The following PTCHD4 variants were observed in gnomAD, a reference collection of about 807,000 sequenced individuals.
The protein encoded by PTCHD4 is patched domain containing 4, also known as patched domain-containing protein 4.
A neutral mutation model predicts 58.1 loss-of-function variants in PTCHD4; 33 were observed. The observed-to-expected ratio is 0.57, with a 90% CI of 0.43 to 0.76. The LOEUF is 0.76. Ranked by LOEUF, PTCHD4 falls within the 30% of genes least tolerant of loss-of-function variation. The pLI, the probability that PTCHD4 is intolerant of heterozygous loss-of-function variation, is 0.00. For missense variants in PTCHD4, 1,058 were observed against 1,027.1 expected (o/e 1.03, Z -0.41); for synonymous variants, 478 against 409.6 (o/e 1.17, Z -2.02).
chr6:47,867,962 G>A lies in PTCHD4; in HGVS notation c.*10341C>T, dbSNP rs983790370. Among the ~76,000 whole-genome samples the A allele has an allele frequency of 6.6e-6, 1 of 151,654 alleles. No individual in the cohort carries two copies. Among genetic ancestry groups the A allele is most frequent in the Non-Finnish European group, 1.5e-5 (1 of 67,794 alleles). On this transcript the variant is annotated 3_prime_UTR_variant, in exon 5 of 5. Coordinates refer to ENST00000339488, the MANE Select transcript of PTCHD4 (RefSeq NM_001384253.1). ...CAGAAACCCATCTACATCAAATCTTGATCCTAAAATGGGACTGAATTTCTA... is the reference window on the plus strand; with the variant it reads ...CAGAAACCCATCTACATCAAATCTTAATCCTAAAATGGGACTGAATTTCTA...
chr6:47,997,238 T>C (rs1178322279), intron 4 of PTCHD4, among the ~76,000 whole-genome samples: 2 of 152,134 alleles, frequency 1.3e-5, no homozygotes, highest in Non-Finnish European at 2.9e-5. Context: ...GTTAACCTCC[T>C]TCCTCTCTTT....
rs1432860391 is a variant in PTCHD4 at position 48,022,155 on chromosome 6, T to A, written c.418-13041A>T. Among the ~76,000 whole-genome samples, 6 of 151,872 alleles carry A rather than the reference T, an allele frequency of 4.0e-5. No homozygotes were observed. In the East Asian group the frequency reaches 1.2e-3, roughly 29 times the overall value. On this transcript the variant is annotated intron_variant, in intron 3 of 4. Transcript: ENST00000339488. Reference sequence around the variant, plus strand: ...TGAAAAATATTCCCTCCCTCTTCCTTGTTCTATCTCCTTTCTCCCTCTCCT... The same window carrying A: ...TGAAAAATATTCCCTCCCTCTTCCTAGTTCTATCTCCTTTCTCCCTCTCCT...
intron 4 of PTCHD4, among the ~76,000 whole-genome samples, chr6:47,969,246 T>A (rs1767411689): frequency 6.6e-6 from 1 of 152,220 alleles, no homozygotes; most frequent in South Asian, 2.1e-4. Flanking sequence ...TGTTTTATTT[T>A]CACATACTTG....
rs544595913 is a variant in PTCHD4, at chr6:47,959,846, G to A, written c.898+48788C>T. Among the ~76,000 whole-genome samples the A allele has an allele frequency of 2.0e-5, 3 of 148,862 alleles. No individual in the cohort carries two copies. In the South Asian group the frequency reaches 6.4e-4, roughly 32 times the overall value. ...GACGAAGAGGAAAAGGACAAGAAAT[G>A]TTAAAAGGAGTCTTCCAAATAGAAA... On this transcript the variant is annotated intron_variant, in intron 4 of 4. Transcript: ENST00000339488.
intron 4 of PTCHD4, among the ~76,000 whole-genome samples, chr6:47,945,010 G>A (rs1380581099): frequency 6.6e-6 from 1 of 152,050 alleles, no homozygotes; most frequent in Non-Finnish European, 1.5e-5. Context: ...ATAAGTAGAT[G>A]CTAAGCAGGT....
chr6:48,107,601 G>A (rs1451170342), intron 1 of PTCHD4, among the ~76,000 whole-genome samples: 2 of 152,102 alleles, frequency 1.3e-5, no homozygotes, highest in East Asian at 1.9e-4. Context: ...TTGACAAATG[G>A]GATCTAATTA....
At chr6:48,086,220 G>A (rs184640725) in intron 1 of PTCHD4, among the ~76,000 whole-genome samples, 41 of 152,254 alleles carry the variant, frequency 2.7e-4, no homozygotes, top group African/African-American at 8.2e-4. Context: ...AATGAGCAGC[G>A]TTATGTCCTA....
intron 1 of PTCHD4, among the ~76,000 whole-genome samples, chr6:48,100,949 A>T (rs952615155): frequency 4.6e-5 from 7 of 152,188 alleles, no homozygotes; most frequent in African/African-American, 1.7e-4. Flanking sequence ...AAATAATTTT[A>T]AAAAATAATA....
At position 47,865,049 on chromosome 6, in the gene PTCHD4, T is replaced by G. The variant is rs1763523406; in HGVS notation, c.*13254A>C. The stretch of plus-strand genomic sequence containing the variant: ...GCATAAATCACCTGAACTGCTAAAT[T>G]CCCTGAAATGCAAATAAATCTCAAG... On this transcript the variant is annotated 3_prime_UTR_variant, in exon 5 of 5. Coordinates refer to ENST00000339488, the MANE Select transcript of PTCHD4 (RefSeq NM_001384253.1). Among the ~76,000 whole-genome samples the G allele has an allele frequency of 6.6e-6, 1 of 151,830 alleles. No individual in the cohort carries two copies. Among genetic ancestry groups the G allele is most frequent in the South Asian group, 2.1e-4 (1 of 4,816 alleles).
At chr6:47,997,958 C>T (rs1768567535) in intron 4 of PTCHD4, among the ~76,000 whole-genome samples, 1 of 151,578 alleles carries the variant, frequency 6.6e-6, no homozygotes, top group African/African-American at 2.4e-5. Context: ...GTATATCTCC[C>T]ATTTTTCAAC....
chr6:47,939,632 C>G (rs1301641041), intron 4 of PTCHD4, among the ~76,000 whole-genome samples: 1 of 152,088 alleles, frequency 6.6e-6, no homozygotes, highest in East Asian at 1.9e-4. Context: ...TGCAACGTGA[C>G]CTTGCACCAG....
chr6:48,044,720 C>T (rs1582069675), intron 3 of PTCHD4, among the ~76,000 whole-genome samples: 1 of 151,700 alleles, frequency 6.6e-6, no homozygotes. Flanking sequence ...TTTATTTATT[C>T]CCACTTTTTT....
chr6:47,882,727 C>G, intron 4 of PTCHD4, among the ~76,000 whole-genome samples: 1 of 43,380 alleles, frequency 2.3e-5, no homozygotes. Flanking sequence ...GAATCCATTT[C>G]TAATGATTCC....
chr6:47,887,407 A>G (rs946068188), intron 4 of PTCHD4, among the ~76,000 whole-genome samples: 1 of 152,004 alleles, frequency 6.6e-6, no homozygotes, highest in Non-Finnish European at 1.5e-5. Context: ...TGTGAAATAG[A>G]TATTATTTGC....
intron 4 of PTCHD4, among the ~76,000 whole-genome samples, chr6:47,884,420 C>T (rs531258620): frequency 6.6e-6 from 1 of 152,246 alleles, no homozygotes; most frequent in East Asian, 1.9e-4. Flanking sequence ...GTATTTTATT[C>T]CCTGCAGTTC....
Position 47,874,810 on chromosome 6 carries a change from A to C in PTCHD4, c.*3493T>G, listed in dbSNP as rs12527941. Among the ~76,000 whole-genome samples the C allele has an allele frequency of 0.67, 101,481 of 151,548 alleles. 34,428 individuals are homozygous for C. Among genetic ancestry groups the C allele is most frequent in the East Asian group, 0.78 (3,990 of 5,114 alleles). On this transcript the variant is annotated 3_prime_UTR_variant, in exon 5 of 5. Transcript: ENST00000339488. ...CACAGCCTTCAAAGAGGTTCATAGT[A>C]ACTGCAAGAATTCCTGGGAAGACAT...
rs923966415 is a variant in PTCHD4 at position 48,068,760 on chromosome 6, C to G, written c.6-119G>C. On this transcript the variant is annotated intron_variant, in intron 2 of 4. Transcript: ENST00000339488. This position sits in a 1 kb window ranked among gnomAD's most constrained non-coding sequence, Gnocchi z 4.2. ...GCCTCCCCACCCACTCCGCGCTCAC[C>G]CCACAACCACTCCGCCTGGTCTTTC... 4.1e-5 allele frequency: 37 copies of G among 897,130 alleles called. No homozygotes were observed. Among genetic ancestry groups the G allele is most frequent in the Middle Eastern group, 7.0e-4 (2 of 2,874 alleles). 55.6% of individuals were successfully genotyped at this position (897,130 alleles called of 1,614,324 possible).
intron 4 of PTCHD4, among the ~76,000 whole-genome samples, chr6:47,935,180 T>C (rs1340692174): frequency 6.6e-6 from 1 of 152,230 alleles, no homozygotes; most frequent in Non-Finnish European, 1.5e-5. Flanking sequence ...TTCTCACATA[T>C]TGCACACAAC....
intron 4 of PTCHD4, among the ~76,000 whole-genome samples, chr6:47,922,858 C>T: frequency 6.6e-6 from 1 of 152,198 alleles, no homozygotes; most frequent in East Asian, 1.9e-4. Flanking sequence ...CTTTACATGC[C>T]TGGTTCCCAA....
Sources: gnomAD v4.1 joint callset for allele counts (sites outside exome capture counted in the v4.1 genomes callset) on GRCh38, gnomAD v4.1.1 for gene constraint, Gnocchi (gnomAD v3.1) non-coding constraint, MANE v1.5 for transcripts, NCBI Gene and HGNC (gene_info 2026-07-23, HGNC 2026-07-21) for gene names.